Variants in LRGUK observed in about 807,000 individuals in gnomAD.
The protein encoded by LRGUK is leucine rich repeats and guanylate kinase domain containing.
LRGUK carries 65 observed loss-of-function variants against 76.0 expected under a neutral mutation model. The observed-to-expected ratio is 0.85, with a 90% confidence interval of 0.70 to 1.05. LRGUK has a LOEUF of 1.05. LRGUK is among the 50% of genes least tolerant of loss of function. The pLI is 0.00. For synonymous variants in LRGUK, 268 were observed against 265.6 expected (o/e 1.01, Z -0.09); for missense variants, 758 against 732.8 (o/e 1.03, Z -0.40).
At chr7:134,240,330 A>G (rs1802113397) in intron 16 of LRGUK, among the ~76,000 whole-genome samples, 1 of 152,248 alleles carries the variant, frequency 6.6e-6, no homozygotes, top group Admixed American at 6.5e-5. Flanking sequence ...ATGGCTAACT[A>G]GAATAAACAG....
intron 1 of LRGUK, among the ~76,000 whole-genome samples, chr7:134,134,245 A>C (rs558406669): frequency 2.0e-5 from 3 of 152,038 alleles, no homozygotes; most frequent in Non-Finnish European, 4.4e-5. Context: ...CAATTGTGGG[A>C]TTAGAGAGAA....
chr7:134,191,856 C>A (rs940803707), intron 12 of LRGUK, 105 bp downstream of exon 12: 1 of 788,824 alleles, frequency 1.3e-6, no homozygotes, highest in Non-Finnish European at 1.9e-6. Flanking sequence ...AAATTTTGTG[C>A]TTGTTATGAG....
At chr7:134,229,254 A>G (rs944831816) in intron 16 of LRGUK, among the ~76,000 whole-genome samples, 19 of 151,812 alleles carry the variant, frequency 1.3e-4, no homozygotes, top group Admixed American at 1.2e-3. Flanking sequence ...TCCCAGCTAC[A>G]TGGGAGGCTG....
rs1802799820 is a variant in LRGUK, at chr7:134,263,708, C to T, written c.2348-137C>T. On this transcript the variant is annotated intron_variant, in intron 19 of 19. Transcript: ENST00000285928. ...GCAATTATAGGTGTAAGCCACTGCA[C>T]CTGGCCTCATTTATTTCTTATAGTT... The T allele has an allele frequency of 7.6e-6, 6 of 788,240 alleles. No homozygotes were observed. The South Asian group carries it at 1.5e-4, about 20-fold the overall frequency. 48.8% of individuals were successfully genotyped at this position (788,240 alleles called of 1,614,324 possible).
exon 16 of LRGUK, chr7:134,210,081 G>C: frequency 2.5e-6 from 1 of 399,238 alleles, no homozygotes; most frequent in East Asian, 3.6e-5. Context: ...ACAGGGGCTA[G>C]GGAAAAAAAG....
chr7:134,231,884 C>T (rs1450406937), intron 16 of LRGUK, among the ~76,000 whole-genome samples: 1 of 150,440 alleles, frequency 6.6e-6, no homozygotes, highest in Non-Finnish European at 1.5e-5. Context: ...TCCTTCCTTC[C>T]TCTCTTCCTC....
intron 16 of LRGUK, among the ~76,000 whole-genome samples, chr7:134,227,686 G>A (rs988635959): frequency 1.4e-4 from 21 of 152,086 alleles, no homozygotes; most frequent in Admixed American, 1.0e-3. Flanking sequence ...AGACAAAAAT[G>A]TAAATTTCAG....
downstream of LRGUK, among the ~76,000 whole-genome samples, chr7:134,210,634 T>C (rs866129710): frequency 1.2e-4 from 18 of 152,082 alleles, no homozygotes; most frequent in Middle Eastern, 3.2e-3. Flanking sequence ...CTGTGGAGCA[T>C]CCAGGGAGAA....
intron 16 of LRGUK, among the ~76,000 whole-genome samples, chr7:134,240,130 A>T (rs145897816): frequency 0.072 from 10,987 of 152,274 alleles, 972 homozygotes; most frequent in African/African-American, 0.2. Context: ...AAAATTCTAA[A>T]AATCAGAGCA....
downstream of LRGUK, among the ~76,000 whole-genome samples, chr7:134,212,537 A>C (rs1298533174): frequency 1.3e-5 from 2 of 152,258 alleles, no homozygotes; most frequent in Non-Finnish European, 2.9e-5. Flanking sequence ...GAAATCCAGG[A>C]TATAGAAATC....
At chr7:134,147,278 A>G (rs1420234918) in intron 4 of LRGUK, among the ~76,000 whole-genome samples, 1 of 151,842 alleles carries the variant, frequency 6.6e-6, no homozygotes, top group South Asian at 2.1e-4. Context: ...AACAACAACA[A>G]CAACAAAAAA....
At chr7:134,272,190 T>C in the LRGUK span, among the ~76,000 whole-genome samples, 1 of 152,210 alleles carries the variant, frequency 6.6e-6, no homozygotes, top group African/African-American at 2.4e-5. Context: ...ATTTTCTTCC[T>C]AGTTTAATAG....
chr7:134,183,877 A>G, intron 11 of LRGUK, 24 bp downstream of exon 11: 1 of 1,610,866 alleles, frequency 6.2e-7, no homozygotes, highest in African/African-American at 1.3e-5. Flanking sequence ...TTGGCTTGTT[A>G]AGACTTGGAA....
chr7:134,242,473 G>A (rs1802186584), intron 16 of LRGUK, among the ~76,000 whole-genome samples: 1 of 152,092 alleles, frequency 6.6e-6, no homozygotes, highest in African/African-American at 2.4e-5. Flanking sequence ...TAAATTCCTG[G>A]ACACATACAC....
intron 12 of LRGUK, among the ~76,000 whole-genome samples, chr7:134,195,021 A>T (rs1563174874): frequency 6.6e-6 from 1 of 152,110 alleles, no homozygotes; most frequent in Non-Finnish European, 1.5e-5. Flanking sequence ...GGTGGGGGGA[A>T]GCCAGTGAGC....
At chr7:134,185,788 A>C (rs568205820) in intron 11 of LRGUK, among the ~76,000 whole-genome samples, 1 of 152,220 alleles carries the variant, frequency 6.6e-6, no homozygotes, top group African/African-American at 2.4e-5. Context: ...CAATGTAAAC[A>C]CTATTTCAAA....
chr7:134,192,609 T>A (rs1800304489), intron 12 of LRGUK, among the ~76,000 whole-genome samples: 1 of 152,220 alleles, frequency 6.6e-6, no homozygotes, highest in South Asian at 2.1e-4. Flanking sequence ...ACCCTCATAA[T>A]CCTCGCATGT....
At chr7:134,261,645 G>A (rs1403834213) in intron 19 of LRGUK, among the ~76,000 whole-genome samples, 2 of 152,314 alleles carry the variant, frequency 1.3e-5, no homozygotes, top group African/African-American at 4.8e-5. Flanking sequence ...GGAACCCCAT[G>A]AGAAACTTTG....
At chr7:134,167,839 C>T (rs999949510) in intron 7 of LRGUK, among the ~76,000 whole-genome samples, 1 of 152,160 alleles carries the variant, frequency 6.6e-6, no homozygotes, top group Non-Finnish European at 1.5e-5. Flanking sequence ...CCTCTGACCC[C>T]GTCTGGCCTC....
Sources: gnomAD v4.1 joint callset for allele counts (sites outside exome capture counted in the v4.1 genomes callset) on GRCh38, gnomAD v4.1.1 for gene constraint, MANE v1.5 for transcripts, NCBI Gene and HGNC (gene_info 2026-07-23, HGNC 2026-07-21) for gene names.